The following RNPEPL1 variants were observed in gnomAD, a reference collection of about 807,000 sequenced individuals.
The protein encoded by RNPEPL1 is aminopeptidase RNPEPL1.
A neutral mutation model predicts 69.0 loss-of-function variants in RNPEPL1; 46 were observed. The ratio of observed to expected loss-of-function variants is 0.67; its 90% confidence interval spans 0.53 to 0.85. The LOEUF (loss-of-function observed/expected upper bound fraction) is 0.85. Among genes scored for constraint, RNPEPL1 ranks in the 40% least tolerant of loss-of-function variants. The probability of loss-of-function intolerance (pLI) is 0.00; values close to 1 mark genes in which losing one functional copy is unlikely to be tolerated. For synonymous variants in RNPEPL1, 525 were observed against 454.1 expected (o/e 1.16, Z -1.98); for missense variants, 869 against 992.5 (o/e 0.88, Z 1.67).
rs751907222 is a variant in RNPEPL1 at position 240,576,949 on chromosome 2, T to C, written c.1843T>C (p.Tyr615His). The C allele has an allele frequency of 6.2e-7, 1 of 1,613,448 alleles. No individual in the cohort carries two copies. The highest frequency in any genetic ancestry group is 8.5e-7 in the Non-Finnish European group (1 of 1,179,944). ...WLQIVVRNDY[Y>H]PDLHRVRRFL... The stretch of plus-strand genomic sequence containing the variant: ...GCAGATTGTGGTCCGCAACGACTAC[T>C]ATCCTGACCTCCACAGGGTGCGGCG... The change falls in exon 10 of 11, where the codon TAT (tyrosine) becomes CAT (histidine). Residue 615 changes from tyrosine (Y) to histidine (H), a missense_variant. Around this residue, in one of 2 missense-constraint regions of RNPEPL1, gnomAD observed 610 missense variants for 790.9 expected, o/e 0.77. Coordinates refer to ENST00000270357, the MANE Select transcript of RNPEPL1 (RefSeq NM_018226.6).
rs542168369 is a variant in RNPEPL1, at chr2:240,572,851, A to G, written c.670-259A>G. Among the ~76,000 whole-genome samples, 3 of 152,324 alleles carry G rather than the reference A, an allele frequency of 2.0e-5. No individual in the cohort carries two copies. The South Asian group carries it at 6.2e-4, about 32-fold the overall frequency. On this transcript the variant is annotated intron_variant, in intron 2 of 10. Transcript: ENST00000270357. ...AAGGGGTCTCCCGACAGAGCTGCTG[A>G]TCCCCAGTGGGGTCTGTGGGTCACC... is the stretch of plus-strand genomic sequence containing the variant.
chr2:240,576,853 G>A lies in RNPEPL1; in HGVS notation c.1747G>A (p.Val583Met), dbSNP rs2093039216. The change falls in exon 10 of 11, where the codon GTG becomes ATG. Residue 583 changes from valine (V) to methionine (M), a missense_variant. Around this residue, in one of 2 missense-constraint regions of RNPEPL1, gnomAD observed 610 missense variants for 790.9 expected, o/e 0.77. Coordinates refer to ENST00000270357, the MANE Select transcript of RNPEPL1 (RefSeq NM_018226.6). Reference protein sequence around the residue: ...LDGSPLPQEVVMSLSKCYSSL... With the variant: ...LDGSPLPQEVMMSLSKCYSSL... ...ACCTGCCCCCTGCGCTGCAGAGGTG[G>A]TGATGAGCCTGTCCAAGTGCTACTC... is the stretch of plus-strand genomic sequence containing the variant. 1 of 1,612,962 alleles carries A rather than the reference G, an allele frequency of 6.2e-7. No individual in the cohort carries two copies. Among genetic ancestry groups the A allele is most frequent in the Admixed American group, 1.7e-5 (1 of 60,012 alleles).
At chr2:240,570,549 C>G (rs935958865) in intron 1 of RNPEPL1, among the ~76,000 whole-genome samples, 4 of 152,220 alleles carry the variant, frequency 2.6e-5, no homozygotes, top group Non-Finnish European at 5.9e-5. Flanking sequence ...GGGACTCAGG[C>G]CCAAATCCCT....
Position 240,572,707 on chromosome 2 carries a change from C to T in RNPEPL1, c.669+144C>T, listed in dbSNP as rs2093025394. On this transcript the variant is annotated intron_variant, in intron 2 of 10. Coordinates refer to ENST00000270357, the MANE Select transcript of RNPEPL1 (RefSeq NM_018226.6). ...TGCTAGCAGGAGCCCACCCTCCCTACTCTATGGGAGGAGCCGCTTTGCAGG... is the reference window on the plus strand; with the variant it reads ...TGCTAGCAGGAGCCCACCCTCCCTATTCTATGGGAGGAGCCGCTTTGCAGG... 3.8e-5 allele frequency: 42 copies of T among 1,097,716 alleles called. 1 individual carries two copies. Among genetic ancestry groups the T allele is most frequent in the Non-Finnish European group, 5.1e-5 (40 of 778,654 alleles). The allele number at this position is 1,097,716 out of a possible 1,614,324, so 68.0% of individuals were successfully genotyped here.
chr2:240,576,869 A>G lies in RNPEPL1; in HGVS notation c.1763A>G (p.Lys588Arg). 4.3e-6 allele frequency: 7 copies of G among 1,613,174 alleles called. No homozygotes were observed. The highest frequency in any genetic ancestry group is 5.9e-6 in the Non-Finnish European group (7 of 1,179,952). The change falls in exon 10 of 11, where the codon AAG becomes AGG. Residue 588 changes from lysine (K) to arginine (R), a missense_variant. Around this residue, in one of 2 missense-constraint regions of RNPEPL1, gnomAD observed 610 missense variants for 790.9 expected, o/e 0.77. Transcript: ENST00000270357. Reference protein sequence around the residue: ...LPQEVVMSLSKCYSSLLDSMN... With the variant: ...LPQEVVMSLSRCYSSLLDSMN... ...GCAGAGGTGGTGATGAGCCTGTCCA[A>G]GTGCTACTCCTCCCTGCTGGACTCG...
intron 1 of RNPEPL1, 194 bp downstream of exon 1, chr2:240,569,308 C>T (rs2093014524): frequency 5.2e-6 from 3 of 579,472 alleles, no homozygotes; most frequent in South Asian, 2.7e-5. Context: ...TGCGGGGACA[C>T]GGGACAGCAT....
chr2:240,573,759 T>C lies in RNPEPL1; in HGVS notation c.822-16T>C, dbSNP rs2093029432. 6.6e-7 allele frequency: 1 copy of C among 1,520,498 alleles called. No individual in the cohort carries two copies. Among genetic ancestry groups the C allele is most frequent in the African/African-American group, 1.4e-5 (1 of 72,478 alleles). 94.2% of individuals were successfully genotyped at this position (1,520,498 alleles called of 1,614,324 possible). ...GGGGCTGCTCGGCCTCAGCTCACCC[T>C]CTCTGCATGCACCAGGAGCCGCGTG... On this transcript the variant is annotated splice_polypyrimidine_tract_variant and intron_variant, in intron 3 of 10. Coordinates refer to ENST00000270357, the MANE Select transcript of RNPEPL1 (RefSeq NM_018226.6).
At chr2:240,573,287 G>A in intron 3 of RNPEPL1, 26 bp downstream of exon 3, 1 of 1,546,298 alleles carries the variant, frequency 6.5e-7, no homozygotes, top group Non-Finnish European at 8.7e-7. Flanking sequence ...GGGGCCTTCT[G>A]GGGCTGCGCA....
chr2:240,575,184 C>T (rs1329007304), intron 7 of RNPEPL1, 42 bp downstream of exon 7: 3 of 1,487,140 alleles, frequency 2.0e-6, no homozygotes, highest in Non-Finnish European at 2.8e-6. Context: ...TGCCATCTGC[C>T]CCCAGCCCCT....
In RNPEPL1 at chr2:240,577,601, G is replaced by A. The variant is rs773540766; in HGVS notation, c.1887G>A (p.Met629Ile). The change falls in exon 11 of 11, where the codon ATG becomes ATA. Residue 629 changes from methionine to isoleucine, a missense_variant and splice_region_variant. Physicochemically the swap from Met to Ile is conservative, Grantham distance 10. Coordinates refer to ENST00000270357, the MANE Select transcript of RNPEPL1 (RefSeq NM_018226.6). ...HRVRRFLESQ[M>I]SRMYTIPLYE... ...GTGACCGAGTGCCCCTCCTGCAGAT[G>A]TCACGCATGTACACCATCCCGCTGT... 42 of 1,565,516 alleles carry A rather than the reference G, an allele frequency of 2.7e-5. No individual in the cohort carries two copies. The highest frequency in any genetic ancestry group is 3.7e-5 in the Non-Finnish European group (42 of 1,147,594).
chr2:240,572,317 T>C lies in RNPEPL1; in HGVS notation c.529-106T>C. The C allele has an allele frequency of 2.1e-5, 28 of 1,319,178 alleles. No individual in the cohort carries two copies. In the South Asian group the frequency reaches 3.6e-4, roughly 17 times the overall value. The allele number at this position is 1,319,178 out of a possible 1,614,324, so 81.7% of individuals were successfully genotyped here. On this transcript the variant is annotated intron_variant, in intron 1 of 10. Coordinates refer to ENST00000270357, the MANE Select transcript of RNPEPL1 (RefSeq NM_018226.6). ...CGAACCCAGCAAGATAATCTGGCCA[T>C]TGTCCCCTCCCAGAGCCTCCTGCCT...
At chr2:240,573,552 G>A (rs1390622379) in intron 3 of RNPEPL1, among the ~76,000 whole-genome samples, 1 of 152,260 alleles carries the variant, frequency 6.6e-6, no homozygotes, top group Non-Finnish European at 1.5e-5. Flanking sequence ...TCAGCCCAGA[G>A]ATAAAATGAG....
Position 240,580,776 on chromosome 2 carries a change from A to G in RNPEPL1, c.*2884A>G, listed in dbSNP as rs1259268977. On this transcript the variant is annotated 3_prime_UTR_variant, in exon 11 of 11. Transcript: ENST00000270357. ...TGTGAGAGAGATCTGCATTTTGGGGATTAGGGCCTAGTCAGGCAGGTAGGA... is the reference window on the plus strand; with the variant it reads ...TGTGAGAGAGATCTGCATTTTGGGGGTTAGGGCCTAGTCAGGCAGGTAGGA... 6.6e-6 allele frequency: 1 copy of G among 152,206 alleles called. No homozygotes were observed. Among genetic ancestry groups the G allele is most frequent in the South Asian group, 2.1e-4 (1 of 4,824 alleles). 9.4% of individuals were successfully genotyped at this position (152,206 alleles called of 1,614,324 possible). A position where few individuals can be genotyped will look rare whatever the true frequency, so the allele number is the denominator to read the frequency against.
At chr2:240,572,885 A>C (rs1000653815) in intron 2 of RNPEPL1, among the ~76,000 whole-genome samples, 4 of 152,202 alleles carry the variant, frequency 2.6e-5, no homozygotes, top group Admixed American at 6.5e-5. Flanking sequence ...CCGGGCCCGA[A>C]CTTGGCAGCA....
At chr2:240,572,323 C>T in intron 1 of RNPEPL1, 100 bp from the exon 2 acceptor site, 1 of 1,367,092 alleles carries the variant, frequency 7.3e-7, no homozygotes, top group South Asian at 1.4e-5. Context: ...GCCATTGTCC[C>T]CTCCCAGAGC....
In RNPEPL1 at chr2:240,579,744, G is replaced by T. The variant is rs1242658537; in HGVS notation, c.*1852G>T. 6.6e-6 allele frequency: 1 copy of T among 152,252 alleles called. No individual in the cohort carries two copies. The highest frequency in any genetic ancestry group is 1.9e-4 in the East Asian group (1 of 5,194). The allele number at this position is 152,252 out of a possible 1,614,324, so 9.4% of individuals were successfully genotyped here. On this transcript the variant is annotated 3_prime_UTR_variant, in exon 11 of 11. Coordinates refer to ENST00000270357, the MANE Select transcript of RNPEPL1 (RefSeq NM_018226.6). ...TCCTGTTTCTTAACCATGCTTGATG[G>T]TGTCCTCAAAGGAGCCCTGCTCAGT...
chr2:240,573,918 G>A, intron 4 of RNPEPL1, 27 bp downstream of exon 4: 3 of 1,566,764 alleles, frequency 1.9e-6, no homozygotes, highest in Non-Finnish European at 2.6e-6. Flanking sequence ...TGTGGACCTG[G>A]CTGGCTGGAA....
chr2:240,574,218 C>T lies in RNPEPL1; in HGVS notation c.1044C>T (p.Val348=), dbSNP rs368052444. The stretch of plus-strand genomic sequence containing the variant: ...TCCTGGAGAGCGATGAGTTCCTGGT[C>T]ATCGATGTCATCCACGAGGTGGCCC... ...SSILESDEFL[V]IDVIHEVAHS... The change falls in exon 5 of 11, where the codon GTC becomes GTT. Residue 348 remains valine (V), a synonymous_variant. Transcript: ENST00000270357. The T allele has an allele frequency of 6.2e-7, 1 of 1,613,342 alleles. No homozygotes were observed.
At chr2:240,577,298 G>A (rs116584090) in intron 10 of RNPEPL1, among the ~76,000 whole-genome samples, 298 of 152,316 alleles carry the variant, frequency 2.0e-3, no homozygotes, top group African/African-American at 6.8e-3. Context: ...CAGAGGGGAC[G>A]TCCCAGCTCC....
Sources: allele counts gnomAD v4.1 joint callset (sites outside exome capture counted in the v4.1 genomes callset), GRCh38; gene constraint gnomAD v4.1.1; regional missense constraint gnomAD v4.1.1; transcripts MANE v1.5; gene names NCBI Gene and HGNC (gene_info 2026-07-23, HGNC 2026-07-21).